The following MANBAL variants were observed in gnomAD, a reference collection of about 807,000 sequenced individuals.
The protein encoded by MANBAL is mannosidase beta like, also known as protein MANBAL.
MANBAL carries 1 observed loss-of-function variant against 6.4 expected under a neutral mutation model. The observed-to-expected ratio is 0.16, with a 90% CI of 0.06 to 0.74. The LOEUF (loss-of-function observed/expected upper bound fraction) is 0.74, where lower values mean the gene tolerates loss of function less well. Ranked by LOEUF, MANBAL falls within the 30% of genes least tolerant of loss-of-function variation. The pLI, the probability that MANBAL is intolerant of heterozygous loss-of-function variation, is 0.78. For missense variants in MANBAL, 100 were observed against 107.8 expected, an observed-to-expected ratio of 0.93 and a Z score of 0.32; for synonymous variants, 47 against 45.8, an observed-to-expected ratio of 1.03 and a Z score of -0.10.
intron 2 of MANBAL, among the ~76,000 whole-genome samples, chr20:37,309,046 A>C (rs1050110992): frequency 2.0e-4 from 31 of 152,302 alleles, no homozygotes; most frequent in African/African-American, 7.5e-4. Context: ...AAGTTCAGAA[A>C]CAGCTCCAGC....
chr20:37,290,104 G>A (rs1288500025), intron 1 of MANBAL, among the ~76,000 whole-genome samples: 1 of 152,214 alleles, frequency 6.6e-6, no homozygotes. Flanking sequence ...TTCTAAAATG[G>A]ACATACACGC....
chr20:37,312,148 C>T (rs2069404664), intron 2 of MANBAL, among the ~76,000 whole-genome samples: 1 of 152,054 alleles, frequency 6.6e-6, no homozygotes, highest in Non-Finnish European at 1.5e-5. Flanking sequence ...TCAGATGACT[C>T]GATAACTGTA....
In MANBAL at chr20:37,316,452, G is replaced by C; in HGVS notation, c.*37G>C. 6.4e-7 allele frequency: 1 copy of C among 1,573,820 alleles called. No individual in the cohort carries two copies. On this transcript the variant is annotated 3_prime_UTR_variant, in exon 3 of 3. Coordinates refer to ENST00000373606, the MANE Select transcript of MANBAL (RefSeq NM_001003897.2). ...TGAGGAGCTGGGCGGGCAGGGAGAGGGTCTTGGGGACAGCCCTCCTGGGAA... is the reference window on the plus strand; with the variant it reads ...TGAGGAGCTGGGCGGGCAGGGAGAGCGTCTTGGGGACAGCCCTCCTGGGAA...
At chr20:37,290,569 C>T (rs995905391) in intron 1 of MANBAL, among the ~76,000 whole-genome samples, 20 of 152,106 alleles carry the variant, frequency 1.3e-4, no homozygotes, top group African/African-American at 4.6e-4. Context: ...AGCGATTCTC[C>T]TGCCTCAGCT....
rs557030219 is a variant in MANBAL at position 37,308,435 on chromosome 20, G to A, written c.150+7022G>A. Among the ~76,000 whole-genome samples the A allele has an allele frequency of 2.6e-4, 39 of 152,288 alleles. 1 individual carries two copies. The highest frequency in any genetic ancestry group is 8.4e-4 in the African/African-American group (35 of 41,538). On this transcript the variant is annotated intron_variant, in intron 2 of 2. Transcript: ENST00000373606. The stretch of plus-strand genomic sequence containing the variant: ...CCCTGGAGAGGATTGGGGAAAGCCA[G>A]CCTAGTCTGACACCACCACTGTGTT...
At chr20:37,307,000 A>G (rs543218114) in intron 2 of MANBAL, among the ~76,000 whole-genome samples, 24 of 152,234 alleles carry the variant, frequency 1.6e-4, no homozygotes, top group Admixed American at 2.0e-4. Flanking sequence ...GTCTTGCTCT[A>G]TTGCCTAGGC....
Position 37,301,300 on chromosome 20 carries a change from C to T in MANBAL, c.37C>T (p.Pro13Ser), listed in dbSNP as rs778060822. The part of the protein sequence containing the change: ...SDLDFSPPEV[P>S]EPTFLENLLR... ...CCTAGACTTCTCACCTCCGGAGGTG[C>T]CCGAGCCCACTTTCCTGGAGAACCT... The change falls in exon 2 of 3, where the codon CCC (proline) becomes TCC (serine). Residue 13 changes from proline (P) to serine (S), a missense_variant. Transcript: ENST00000373606. The T allele has an allele frequency of 6.8e-6, 11 of 1,611,572 alleles. No homozygotes were observed. In the South Asian group the frequency reaches 1.1e-4, roughly 16 times the overall value.
chr20:37,305,213 G>C (rs559986464), intron 2 of MANBAL, among the ~76,000 whole-genome samples: 10 of 152,130 alleles, frequency 6.6e-5, no homozygotes, highest in African/African-American at 2.4e-4. Context: ...CATGCTATTC[G>C]GTATTATAAA....
intron 1 of MANBAL, among the ~76,000 whole-genome samples, chr20:37,296,461 T>G (rs2068999196): frequency 6.6e-6 from 1 of 152,242 alleles, no homozygotes. Flanking sequence ...AATTGCTTAT[T>G]TTTTTCAATT....
intron 1 of MANBAL, among the ~76,000 whole-genome samples, chr20:37,291,505 A>G (rs145971045): frequency 2.6e-5 from 4 of 152,322 alleles, no homozygotes; most frequent in Non-Finnish European, 5.9e-5. Flanking sequence ...TGAAGATAGT[A>G]CTGACTGGTC....
chr20:37,301,626 T>C (rs1468467438), intron 2 of MANBAL, among the ~76,000 whole-genome samples: 2 of 152,254 alleles, frequency 1.3e-5, no homozygotes, highest in African/African-American at 4.8e-5. Context: ...TAGTGCCTAC[T>C]ACATTTCAGA....
intron 1 of MANBAL, among the ~76,000 whole-genome samples, chr20:37,292,980 C>G (rs1600894043): frequency 6.6e-6 from 1 of 152,208 alleles, no homozygotes; most frequent in South Asian, 2.1e-4. Flanking sequence ...TATATATGCA[C>G]AGATCTAGAA....
intron 2 of MANBAL, among the ~76,000 whole-genome samples, chr20:37,304,562 C>G (rs1239964585): frequency 1.3e-5 from 2 of 152,108 alleles, no homozygotes; most frequent in African/African-American, 4.8e-5. Context: ...TACTATTAAA[C>G]ACAGTTTTGC....
intron 1 of MANBAL, among the ~76,000 whole-genome samples, chr20:37,300,250 T>C (rs563394227): frequency 1.9e-4 from 29 of 152,334 alleles, no homozygotes; most frequent in African/African-American, 7.0e-4. Flanking sequence ...CTTCTCTGCC[T>C]GTACTGGCCT....
chr20:37,304,295 A>G (rs2143499), intron 2 of MANBAL, among the ~76,000 whole-genome samples: 6,613 of 152,228 alleles, frequency 0.043, 221 homozygotes, highest in East Asian at 0.19. Flanking sequence ...ATTTTGATTT[A>G]ATTTGTTGTT....
At position 37,293,418 on chromosome 20, in the gene MANBAL, A is replaced by G. The variant is rs924191004; in HGVS notation, c.-57+3732A>G. Among the ~76,000 whole-genome samples the G allele has an allele frequency of 3.3e-5, 5 of 152,172 alleles. 1 individual carries two copies. Among genetic ancestry groups the G allele is most frequent in the Admixed American group, 1.3e-4 (2 of 15,274 alleles). ...AGTTCACAATAGGGTTCGTGTTTCT[A>G]TGAGAATCTAATGCAGCCGCTGATC... On this transcript the variant is annotated intron_variant, in intron 1 of 2. Transcript: ENST00000373606.
chr20:37,312,479 T>C (rs2069411363), intron 2 of MANBAL, among the ~76,000 whole-genome samples: 1 of 152,214 alleles, frequency 6.6e-6, no homozygotes, highest in Non-Finnish European at 1.5e-5. Context: ...TTGGGTCTGC[T>C]ACTCACCAGC....
chr20:37,307,134 A>C (rs2069276890), intron 2 of MANBAL, among the ~76,000 whole-genome samples: 1 of 151,852 alleles, frequency 6.6e-6, no homozygotes, highest in African/African-American at 2.4e-5. Context: ...GCTAATTTTT[A>C]AATAATTTTT....
chr20:37,314,538 C>A (rs1353871371), intron 2 of MANBAL, among the ~76,000 whole-genome samples: 1 of 152,174 alleles, frequency 6.6e-6, no homozygotes, highest in Non-Finnish European at 1.5e-5. Context: ...CCAGGCAGGC[C>A]TTGCAAATTT....
Sources: gnomAD v4.1 joint callset for allele counts (sites outside exome capture counted in the v4.1 genomes callset) on GRCh38, gnomAD v4.1.1 for gene constraint, MANE v1.5 for transcripts, NCBI Gene and HGNC (gene_info 2026-07-23, HGNC 2026-07-21) for gene names.